Variants in RNF185 observed in about 807,000 individuals in gnomAD.
The protein encoded by RNF185 is ring finger protein 185, also known as E3 ubiquitin-protein ligase RNF185.
A neutral mutation model predicts 24.9 loss-of-function variants in RNF185; 13 were observed. The ratio of observed to expected loss-of-function variants is 0.52; its 90% CI spans 0.34 to 0.83. RNF185 has a LOEUF of 0.83. RNF185 is among the 40% of genes least tolerant of loss of function. RNF185 has a pLI of 0.01. For synonymous variants in RNF185, 79 were observed against 90.3 expected (o/e 0.88, Z 0.71); for missense variants, 184 against 244.7 (o/e 0.75, Z 1.65).
chr22:31,192,775 T>TAG, intron 3 of RNF185, 73 bp downstream of exon 3: 1 of 1,425,034 alleles, frequency 7.0e-7, no homozygotes, highest in Non-Finnish European at 9.9e-7. Flanking sequence ...CTCAGGAGAC[T>TAG]GCTTTCAGAA....
rs573943521 is a variant in RNF185, at chr22:31,168,434, C to T, written c.-49+8131C>T. On this transcript the variant is annotated intron_variant, in intron 1 of 6. Transcript: ENST00000326132. ...TCCTTTTTAAGATAAAATGATTTTC[C>T]GTTGTATGTATTTTGCTTATCCATT... 4.3e-4 allele frequency among the ~76,000 whole-genome samples: 65 copies of T among 152,196 alleles called. 1 individual carries two copies. Among genetic ancestry groups the T allele is most frequent in the Admixed American group, 1.2e-3 (19 of 15,254 alleles).
intron 5 of RNF185, among the ~76,000 whole-genome samples, chr22:31,199,761 A>T (rs73392229): frequency 0.14 from 20,667 of 152,162 alleles, 2,207 homozygotes; most frequent in African/African-American, 0.29. Flanking sequence ...GAGGAGATGG[A>T]AACTCTTTGT....
intron 1 of RNF185, among the ~76,000 whole-genome samples, chr22:31,175,879 G>C (rs1266631648): frequency 2.0e-5 from 3 of 152,122 alleles, no homozygotes; most frequent in African/African-American, 7.2e-5. Flanking sequence ...AATTCAGATT[G>C]GTTTCCTTTT....
rs561319993 is a variant in RNF185 at position 31,162,851 on chromosome 22, G to A, written c.-49+2548G>A. Among the ~76,000 whole-genome samples the A allele has an allele frequency of 1.1e-3, 167 of 149,118 alleles. 1 individual carries two copies. Among genetic ancestry groups the A allele is most frequent in the African/African-American group, 3.9e-3 (157 of 40,546 alleles). On this transcript the variant is annotated intron_variant, in intron 1 of 6. Transcript: ENST00000326132. ...TCCATCTCAGCTCACTGCAAGCTCC[G>A]CCTCCTGGGTTCATGCCATTCTCCT...
intron 2 of RNF185, among the ~76,000 whole-genome samples, chr22:31,192,224 C>T (rs916698551): frequency 1.3e-5 from 2 of 152,228 alleles, no homozygotes; most frequent in Non-Finnish European, 2.9e-5. Context: ...CTTGTGAGCC[C>T]GAGGAGACTA....
At chr22:31,183,587 C>G in intron 1 of RNF185, among the ~76,000 whole-genome samples, 1 of 152,074 alleles carries the variant, frequency 6.6e-6, no homozygotes, top group Non-Finnish European at 1.5e-5. Context: ...GGTGATGACT[C>G]TTAACGAGTA....
chr22:31,205,279 C>G lies in RNF185; in HGVS notation c.*693C>G, dbSNP rs1234201083. On this transcript the variant is annotated 3_prime_UTR_variant, in exon 7 of 7. Coordinates refer to ENST00000326132, the MANE Select transcript of RNF185 (RefSeq NM_152267.4). ...AACAACTTGAATGACTTCCTGGTTT[C>G]CTGGCATAAATTATTCCTGGTGAGA... is the stretch of plus-strand genomic sequence containing the variant. 1 of 169,640 alleles carries G rather than the reference C, an allele frequency of 5.9e-6. No individual in the cohort carries two copies. The highest frequency in any genetic ancestry group is 1.5e-5 in the Non-Finnish European group (1 of 68,162). The allele number at this position is 169,640 out of a possible 1,614,324, so 10.5% of individuals were successfully genotyped here. A position where few individuals can be genotyped will look rare whatever the true frequency, so the allele number is the denominator to read the frequency against.
chr22:31,196,901 T>G (rs1485557321), intron 4 of RNF185, 35 bp from the exon 5 acceptor site: 1 of 1,609,316 alleles, frequency 6.2e-7, no homozygotes, highest in Non-Finnish European at 8.5e-7. Context: ...CAAAGCAATT[T>G]GTAATAGACT....
At chr22:31,182,436 C>T (rs1332226676) in intron 1 of RNF185, among the ~76,000 whole-genome samples, 2 of 151,776 alleles carry the variant, frequency 1.3e-5, no homozygotes, top group African/African-American at 4.8e-5. Flanking sequence ...CATAGACATG[C>T]ACCACCACAC....
chr22:31,166,496 T>A (rs1923927820), intron 1 of RNF185, among the ~76,000 whole-genome samples: 1 of 152,144 alleles, frequency 6.6e-6, no homozygotes, highest in Non-Finnish European at 1.5e-5. Flanking sequence ...CATCTAAAAC[T>A]GAAGAAAACA....
intron 6 of RNF185, 148 bp downstream of exon 6, chr22:31,201,763 C>T (rs2048264968): frequency 1.6e-6 from 1 of 639,440 alleles, no homozygotes; most frequent in Non-Finnish European, 2.7e-6. Context: ...GTTTTTAGAT[C>T]ACTTACAGAC....
At position 31,196,976 on chromosome 22, in the gene RNF185, C is replaced by A. The variant is rs756475042; in HGVS notation, c.349C>A (p.Pro117Thr). Residue 117 changes from proline (P) to threonine (T), a missense_variant, in exon 5 of 7, where the codon CCG (proline) becomes ACG (threonine). By Grantham distance (38) the Pro-to-Thr change is conservative. Coordinates refer to ENST00000326132, the MANE Select transcript of RNF185 (RefSeq NM_152267.4). ...PPRPQGQRPE[P>T]ENRGGFQGFG... ...TCGTCCTCAAGGACAGAGGCCAGAG[C>A]CGGAGAATAGAGGGGTGAGGAACAT... 9 of 1,613,406 alleles carry A rather than the reference C, an allele frequency of 5.6e-6. No individual in the cohort carries two copies. In the East Asian group the frequency reaches 1.1e-4, roughly 20 times the overall value.
chr22:31,173,824 G>A (rs2047955680), intron 1 of RNF185, among the ~76,000 whole-genome samples: 1 of 152,058 alleles, frequency 6.6e-6, no homozygotes, highest in African/African-American at 2.4e-5. Context: ...ATTTTCTCTG[G>A]GTCAAATTGT....
intron 2 of RNF185, among the ~76,000 whole-genome samples, chr22:31,188,593 A>G (rs2048122338): frequency 6.6e-6 from 1 of 152,122 alleles, no homozygotes; most frequent in African/African-American, 2.4e-5. Context: ...TTGAGAGGCC[A>G]TGGTGGGAGG....
intron 2 of RNF185, among the ~76,000 whole-genome samples, chr22:31,189,291 T>C: frequency 9.4e-6 from 1 of 106,542 alleles, no homozygotes; most frequent in Non-Finnish European, 1.9e-5. Context: ...TTTTTTTTTT[T>C]TTTTTTTTTT....
At position 31,204,557 on chromosome 22, in the gene RNF185, G is replaced by T. The variant is rs199535094; in HGVS notation, c.550G>T (p.Val184Leu). The change falls in exon 7 of 7, where the codon GTG becomes TTG. Residue 184 changes from valine (V) to leucine (L), a missense_variant. Transcript: ENST00000326132. Reference sequence around the variant, plus strand: ...ACGCCTCTTCCTATTTGTGGCCCTGGTGATCATGTTCTGGCTCCTGATTGC... The same window carrying T: ...ACGCCTCTTCCTATTTGTGGCCCTGTTGATCATGTTCTGGCTCCTGATTGC... ...LSRLFLFVALVIMFWLLIA is the reference protein window; with the variant it reads ...LSRLFLFVALLIMFWLLIA 63 of 1,602,210 alleles carry T rather than the reference G, an allele frequency of 3.9e-5. No individual in the cohort carries two copies. The highest frequency in any genetic ancestry group is 4.6e-5 in the Non-Finnish European group (54 of 1,169,436).
rs1050842065 is a variant in RNF185, at chr22:31,189,280, C to CTTTTTT, written c.176+2032_176+2037dup. 4.2e-3 allele frequency among the ~76,000 whole-genome samples: 259 copies of CTTTTTT among 61,528 alleles called. 73 individuals are homozygous for CTTTTTT. The highest frequency in any genetic ancestry group is 0.048 in the Middle Eastern group (2 of 42). The allele number at this position is 61,528 out of a possible 152,430, so 40.4% of individuals were successfully genotyped here. On this transcript the variant is annotated intron_variant, in intron 2 of 6. Transcript: ENST00000326132. ...ATTTAAATGTACAGCTGTTGTATAT[C>CTTTTTT]TTTTTTTTTTTTTTTTTTTTTTTTT...
At chr22:31,189,135 AT>A (rs1452802475) in intron 2 of RNF185, among the ~76,000 whole-genome samples, 1 of 136,872 alleles carries the variant, frequency 7.3e-6, no homozygotes, top group Non-Finnish European at 1.6e-5. Flanking sequence ...CAAAAAAAAA[AT>A]GTGTGTGTGT....
chr22:31,197,126 A>C, intron 5 of RNF185, 136 bp downstream of exon 5: 1 of 1,321,496 alleles, frequency 7.6e-7, no homozygotes, highest in Non-Finnish European at 1.0e-6. Context: ...AAGAGGGGGA[A>C]AAAAATCACT....
Sources: gnomAD v4.1 joint callset for allele counts (sites outside exome capture counted in the v4.1 genomes callset) on GRCh38, gnomAD v4.1.1 for gene constraint, MANE v1.5 for transcripts, NCBI Gene and HGNC (gene_info 2026-07-23, HGNC 2026-07-21) for gene names.